Variants in CAPN14 observed in about 807,000 individuals in gnomAD.
CAPN14 encodes the protein calpain-14.
In CAPN14, 94 loss-of-function variants were observed where a neutral mutation model predicts 101.3. The ratio of observed to expected loss-of-function variants is 0.93; its 90% CI spans 0.79 to 1.10. The LOEUF is 1.10. Among genes scored for constraint, CAPN14 ranks in the 50% least tolerant of loss-of-function variants. The probability of loss-of-function intolerance (pLI) is 0.00; values close to 1 mark genes in which losing one functional copy is unlikely to be tolerated. For synonymous variants in CAPN14, 338 were observed against 317.9 expected (o/e 1.06, Z -0.67); for missense variants, 837 against 828.4 (o/e 1.01, Z -0.13).
rs139404091 is a variant in CAPN14 at position 31,223,050 on chromosome 2, G to A, written c.-53+3478C>T. Among the ~76,000 whole-genome samples the A allele has an allele frequency of 4.2e-3, 641 of 152,340 alleles. 6 individuals carry two copies. The highest frequency in any genetic ancestry group is 0.015 in the African/African-American group (617 of 41,570). On this transcript the variant is annotated intron_variant and NMD_transcript_variant, in intron 2 of 21. Transcript: ENST00000398824. ...GGAAGAAGACTTTCACCAGAACCCA[G>A]CTATGCTGGTGCCGTGATCTCGGGC...
At chr2:31,200,371 C>A in intron 6 of CAPN14, 80 bp downstream of exon 6, 1 of 1,327,246 alleles carries the variant, frequency 7.5e-7, no homozygotes, top group Non-Finnish European at 1.0e-6. Flanking sequence ...GAGCCCACAC[C>A]CAGGTGAGGG....
chr2:31,203,070 C>G lies in CAPN14; in HGVS notation c.295G>C (p.Gly99Arg), dbSNP rs1424091360. 1 of 1,551,410 alleles carries G rather than the reference C, an allele frequency of 6.4e-7. No individual in the cohort carries two copies. The change falls in exon 3 of 22, where the codon GGA becomes CGA. Residue 99 changes from glycine (G) to arginine (R), a missense_variant and splice_region_variant. Physicochemically the swap from Gly to Arg is moderately radical, Grantham distance 125. Transcript: ENST00000403897. The part of the protein sequence containing the change: ...KRLDLCQGIV[G>R]DCWFLAALQA... ...GTCTCTCGGGGCTGTGCAAACTTAC[C>G]TACTATCCCCTGGCACAGATCCAGC...
At chr2:31,227,582 A>C (rs1290134537) in intron 1 of CAPN14, among the ~76,000 whole-genome samples, 1 of 152,180 alleles carries the variant, frequency 6.6e-6, no homozygotes, top group Non-Finnish European at 1.5e-5. Context: ...CTTGACCTAC[A>C]TTGTTTCATT....
chr2:31,217,319 T>C (rs1157162108), intron 1 of CAPN14, 137 bp downstream of exon 1: 1 of 152,148 alleles, frequency 6.6e-6, no homozygotes, highest in Non-Finnish European at 1.5e-5. Context: ...CCAGGGTTTT[T>C]TCTGTATACA....
At position 31,189,307 on chromosome 2, in the gene CAPN14, C is replaced by T. The variant is rs769608402; in HGVS notation, c.1459G>A (p.Val487Ile). Reference protein sequence around the residue: ...ILEAHQKSEFVLRVFSRKHIF... With the variant: ...ILEAHQKSEFILRVFSRKHIF... ...TGCTTCCTGGAGAAGACCCTGAGGA[C>T]GAACTCTGACTTCTGGTGGGCCTCC... Residue 487 changes from valine (V) to isoleucine (I), a missense_variant, in exon 13 of 22, where the codon GTC becomes ATC. Val to Ile is a conservative substitution (Grantham distance 29). Transcript: ENST00000403897. 79 of 1,551,588 alleles carry T rather than the reference C, an allele frequency of 5.1e-5. No homozygotes were observed. Among genetic ancestry groups the T allele is most frequent in the South Asian group, 8.3e-5 (7 of 84,048 alleles).
chr2:31,179,357 A>G (rs7593899), intron 17 of CAPN14, among the ~76,000 whole-genome samples: 50,743 of 151,788 alleles, frequency 0.33, 10,066 homozygotes, highest in African/African-American at 0.55. Flanking sequence ...TGCTCAGAAT[A>G]ATGGTTTCAA....
At chr2:31,228,824 C>T (rs1005583099) in intron 1 of CAPN14, among the ~76,000 whole-genome samples, 1 of 152,120 alleles carries the variant, frequency 6.6e-6, no homozygotes, top group African/African-American at 2.4e-5. Context: ...GAGAGTGAAG[C>T]CACTTTCCCC....
chr2:31,223,392 C>A (rs569968542), intron 2 of CAPN14, among the ~76,000 whole-genome samples: 3 of 152,282 alleles, frequency 2.0e-5, no homozygotes, highest in Admixed American at 2.0e-4. Flanking sequence ...TTTAGGGTGA[C>A]CAGTTCCCTC....
At chr2:31,199,439 G>A in intron 7 of CAPN14, 31 bp downstream of exon 7, 7 of 1,540,200 alleles carry the variant, frequency 4.5e-6, no homozygotes, top group Non-Finnish European at 5.3e-6. Flanking sequence ...GCAAGGCTGA[G>A]AGGGAAACCG....
chr2:31,216,241 A>G (rs1682638079), intron 1 of CAPN14, among the ~76,000 whole-genome samples: 1 of 152,244 alleles, frequency 6.6e-6, no homozygotes, highest in Non-Finnish European at 1.5e-5. Flanking sequence ...GTTAGAAATT[A>G]GCTTAGTGGT....
chr2:31,197,204 C>G lies in CAPN14; in HGVS notation c.875+45G>C, dbSNP rs543400982. The G allele has an allele frequency of 6.0e-4, 820 of 1,374,596 alleles. 18 individuals carry two copies. In the South Asian group the frequency reaches 9.6e-3, roughly 16 times the overall value. 85.1% of individuals were successfully genotyped at this position (1,374,596 alleles called of 1,614,324 possible). A position where few individuals can be genotyped will look rare whatever the true frequency, so the allele number is the denominator to read the frequency against. The stretch of plus-strand genomic sequence containing the variant: ...GTGTGCAAATGGCAGCCTCCTTTGC[C>G]TAACCTACCTGTTCTCACCCCTCCA... On this transcript the variant is annotated intron_variant, in intron 8 of 21. Transcript: ENST00000403897.
intron 1 of CAPN14, among the ~76,000 whole-genome samples, chr2:31,231,722 C>G (rs1411657903): frequency 6.6e-6 from 1 of 152,130 alleles, no homozygotes; most frequent in Non-Finnish European, 1.5e-5. Flanking sequence ...TAATGGGGCC[C>G]CTTGATTTCT....
Position 31,195,722 on chromosome 2 carries a change from T to G in CAPN14, c.876-1239A>C, listed in dbSNP as rs73921581. ...TAGTGGAATCAAATTATCCCTGAAATAAAGGTTTGTCTTGACCTTCCCTAA... is the reference window on the plus strand; with the variant it reads ...TAGTGGAATCAAATTATCCCTGAAAGAAAGGTTTGTCTTGACCTTCCCTAA... On this transcript the variant is annotated intron_variant, in intron 8 of 21. Transcript: ENST00000403897. Among the ~76,000 whole-genome samples the G allele has an allele frequency of 3.7e-3, 560 of 152,256 alleles. 1 individual carries two copies. The highest frequency in any genetic ancestry group is 0.013 in the African/African-American group (529 of 41,544).
At position 31,197,340 on chromosome 2, in the gene CAPN14, T is replaced by C. The variant is rs930882872; in HGVS notation, c.790-6A>G. Reference sequence around the variant, plus strand: ...GGTCTATGTTTGCAGGTCACCTGCATAAAATGAGAGGCAGTTTAGGTGACT... The same window carrying C: ...GGTCTATGTTTGCAGGTCACCTGCACAAAATGAGAGGCAGTTTAGGTGACT... On this transcript the variant is annotated splice_region_variant and splice_polypyrimidine_tract_variant and intron_variant, in intron 7 of 21. Coordinates refer to ENST00000403897, the MANE Select transcript of CAPN14 (RefSeq NM_001145122.2). 3 of 1,542,728 alleles carry C rather than the reference T, an allele frequency of 1.9e-6. No individual in the cohort carries two copies. The highest frequency in any genetic ancestry group is 2.6e-6 in the Non-Finnish European group (3 of 1,138,858).
At chr2:31,201,726 T>C (rs1241752320) in intron 5 of CAPN14, 136 bp downstream of exon 5, 6 of 1,149,866 alleles carry the variant, frequency 5.2e-6, no homozygotes, top group Non-Finnish European at 7.3e-6. Context: ...ACTGAATACG[T>C]TGTCACTTCT....
intron 10 of CAPN14, 149 bp downstream of exon 10, chr2:31,192,982 A>G: frequency 1.3e-6 from 1 of 753,628 alleles, no homozygotes; most frequent in Non-Finnish European, 2.1e-6. Flanking sequence ...CTGTGGTTAT[A>G]GCCCAGGGCC....
rs533880866 is a variant in CAPN14, at chr2:31,226,883, T to C, written c.-176-232A>G. Among the ~76,000 whole-genome samples, 6 of 152,240 alleles carry C rather than the reference T, an allele frequency of 3.9e-5. No individual in the cohort carries two copies. In the South Asian group the frequency reaches 1.2e-3, roughly 32 times the overall value. ...GGGATTTCGGTAAGCTGCCTCCCACTTTTTGTGGACTGAGGGGAAAGTGAG... is the reference window on the plus strand; with the variant it reads ...GGGATTTCGGTAAGCTGCCTCCCACCTTTTGTGGACTGAGGGGAAAGTGAG... On this transcript the variant is annotated intron_variant and NMD_transcript_variant, in intron 1 of 21. Transcript: ENST00000398824.
intron 3 of CAPN14, among the ~76,000 whole-genome samples, chr2:31,202,730 C>A (rs1681859015): frequency 6.6e-6 from 1 of 152,030 alleles, no homozygotes; most frequent in Non-Finnish European, 1.5e-5. Context: ...CCTATTCTGG[C>A]GAGGCTAATG....
intron 16 of CAPN14, among the ~76,000 whole-genome samples, chr2:31,181,391 TTTC>T (rs1680593177): frequency 8.5e-6 from 1 of 117,754 alleles, no homozygotes; most frequent in South Asian, 3.0e-4. Context: ...TCTTTTTTTC[TTTC>T]TTTTTTTCTT....
Sources: allele counts gnomAD v4.1 joint callset (sites outside exome capture counted in the v4.1 genomes callset), GRCh38; gene constraint gnomAD v4.1.1; transcripts MANE v1.5; gene names NCBI Gene and HGNC (gene_info 2026-07-23, HGNC 2026-07-21).